The following TPGS2 variants were observed in gnomAD, a reference collection of about 807,000 sequenced individuals.
The protein encoded by TPGS2 is polyglutamylase subunit 2.
TPGS2 carries 26 observed loss-of-function variants against 31.1 expected under a neutral mutation model. The observed-to-expected ratio is 0.84, with a 90% CI of 0.61 to 1.16. TPGS2 has a LOEUF of 1.16. TPGS2 is among the 50% of genes most tolerant of loss of function. TPGS2 has a pLI of 0.00. For synonymous variants in TPGS2, 130 were observed against 136.6 expected, an observed-to-expected ratio of 0.95 and a Z score of 0.34; for missense variants, 351 against 363.8, an observed-to-expected ratio of 0.96 and a Z score of 0.29.
downstream of TPGS2, among the ~76,000 whole-genome samples, chr18:36,792,438 C>T (rs2044346146): frequency 1.3e-5 from 2 of 152,148 alleles, no homozygotes; most frequent in East Asian, 1.9e-4. Flanking sequence ...TAGAAAAATA[C>T]ACGCATTTAT....
At chr18:36,784,858 A>G (rs777071451) in intron 6 of TPGS2, among the ~76,000 whole-genome samples, 1 of 152,136 alleles carries the variant, frequency 6.6e-6, no homozygotes, top group Non-Finnish European at 1.5e-5. Flanking sequence ...TGCTAGTTGA[A>G]TATCAATAGT....
chr18:36,822,222 CG>C (rs1568032037), intron 1 of TPGS2, among the ~76,000 whole-genome samples: 2 of 152,146 alleles, frequency 1.3e-5, no homozygotes, highest in African/African-American at 4.8e-5. Flanking sequence ...ATAGGCTTTC[CG>C]GGGAAGAAAC....
intron 4 of TPGS2, among the ~76,000 whole-genome samples, chr18:36,803,493 C>T (rs1302555040): frequency 6.6e-6 from 1 of 152,076 alleles, no homozygotes; most frequent in African/African-American, 2.4e-5. Context: ...ATCTGTTCAA[C>T]TTGGGTCTAG....
chr18:36,781,194 C>T (rs2044003124), downstream of TPGS2, among the ~76,000 whole-genome samples: 1 of 152,148 alleles, frequency 6.6e-6, no homozygotes, highest in South Asian at 2.1e-4. Flanking sequence ...GGGTCTGAGA[C>T]CCAGATGGTG....
At chr18:36,780,308 C>CT (rs1188121352), downstream of TPGS2, 1 of 742,234 alleles carries the variant, frequency 1.3e-6, no homozygotes, top group African/African-American at 1.8e-5. Flanking sequence ...CATCTATCAC[C>CT]TTACCTGTGT....
chr18:36,811,743 T>C (rs2045439298), intron 2 of TPGS2, among the ~76,000 whole-genome samples: 1 of 152,212 alleles, frequency 6.6e-6, no homozygotes, highest in South Asian at 2.1e-4. Flanking sequence ...TTCTGACTTT[T>C]GCGTTTTATC....
Position 36,783,126 on chromosome 18 carries a change from AAG to A in TPGS2, c.661_662del (p.Leu221PhefsTer5), listed in dbSNP as rs1250860385. 2.5e-6 allele frequency: 1 copy of A among 398,274 alleles called. No individual in the cohort carries two copies. The highest frequency in any genetic ancestry group is 4.4e-6 in the Non-Finnish European group (1 of 225,940). 24.7% of individuals were successfully genotyped at this position (398,274 alleles called of 1,614,324 possible). A position where few individuals can be genotyped will look rare whatever the true frequency, so the allele number is the denominator to read the frequency against. ...GACTAGATCCATCAAAAAGGCCTAA[AAG>A]AGCCTATAAGAAAAATCAATTTGCG... On this transcript the variant is annotated frameshift_variant, in exon 7 of 7. Transcript: ENST00000587129. LOFTEE classifies it low-confidence loss of function (END_TRUNC).
intron 2 of TPGS2, among the ~76,000 whole-genome samples, chr18:36,810,299 T>C (rs1204164958): frequency 6.6e-6 from 1 of 152,202 alleles, no homozygotes; most frequent in East Asian, 1.9e-4. Context: ...TTCAGTCCTT[T>C]AAGGTTGGAG....
rs76391554 is a variant in TPGS2, at chr18:36,798,581, G to T, written c.525C>A (p.Phe175Leu). 105 of 1,614,162 alleles carry T rather than the reference G, an allele frequency of 6.5e-5. No homozygotes were observed. In the East Asian group the frequency reaches 2.3e-3, roughly 36 times the overall value. ...PALAEDTEIWFLDRALYWHFL... is the reference protein window; with the variant it reads ...PALAEDTEIWLLDRALYWHFL... ...AATGCCAGTATAACGCTCTGTCCAG[G>T]AACCAGATCTCAGTGTCTTCTGCTA... The change falls in exon 6 of 7, where the codon TTC becomes TTA. Residue 175 changes from phenylalanine to leucine, a missense_variant. Physicochemically the swap from Phe to Leu is conservative, Grantham distance 22 (BLOSUM62 0). Transcript: ENST00000334295.
At chr18:36,819,025 T>C (rs751022265) in intron 1 of TPGS2, 52 bp from the exon 2 acceptor site, 67 of 1,450,016 alleles carry the variant, frequency 4.6e-5, no homozygotes, top group Non-Finnish European at 6.4e-5. Context: ...CTGTCATACA[T>C]TTCTACGCTA....
downstream of TPGS2, chr18:36,794,083 A>G: frequency 5.0e-6 from 1 of 201,538 alleles, no homozygotes; most frequent in Non-Finnish European, 8.8e-6. Flanking sequence ...GCACAATATA[A>G]AGATGAATAG....
At chr18:36,784,334 C>T (rs1257312763) in intron 6 of TPGS2, among the ~76,000 whole-genome samples, 1 of 152,196 alleles carries the variant, frequency 6.6e-6, no homozygotes, top group East Asian at 1.9e-4. Context: ...TCCCTTAGGG[C>T]CCTTTCCTGG....
downstream of TPGS2, among the ~76,000 whole-genome samples, chr18:36,780,781 A>G (rs2043990988): frequency 1.3e-5 from 2 of 152,240 alleles, 1 homozygote; most frequent in South Asian, 4.1e-4. Context: ...TACAGTATCA[A>G]AGATAAAAGG....
intron 6 of TPGS2, among the ~76,000 whole-genome samples, chr18:36,785,416 T>C (rs2044105133): frequency 6.6e-6 from 1 of 152,198 alleles, no homozygotes; most frequent in South Asian, 2.1e-4. Flanking sequence ...TCCGTGTATG[T>C]AGGTTCAGCA....
At chr18:36,828,545 C>A (rs776932447) in intron 1 of TPGS2, 138 bp downstream of exon 1, 114 of 921,650 alleles carry the variant, frequency 1.2e-4, no homozygotes, top group Non-Finnish European at 1.6e-4. Context: ...CCACTTTCCT[C>A]TGTAACAACG....
downstream of TPGS2, among the ~76,000 whole-genome samples, chr18:36,790,399 C>T (rs967772537): frequency 6.6e-6 from 1 of 152,194 alleles, no homozygotes; most frequent in Non-Finnish European, 1.5e-5. Flanking sequence ...TGAAAGCATC[C>T]AGAGAGATGG....
intron 6 of TPGS2, among the ~76,000 whole-genome samples, chr18:36,786,296 C>T (rs1350202871): frequency 6.6e-6 from 1 of 152,348 alleles, no homozygotes; most frequent in East Asian, 1.9e-4. Flanking sequence ...TCTCGGTTCA[C>T]TGTAACCTCT....
intron 5 of TPGS2, among the ~76,000 whole-genome samples, chr18:36,798,990 G>A (rs2044672294): frequency 6.6e-6 from 1 of 152,146 alleles, no homozygotes; most frequent in Admixed American, 6.5e-5. Flanking sequence ...AACACTGAAT[G>A]GCTTAGGTTT....
rs372221467 is a variant in TPGS2, at chr18:36,796,817, G to A, written c.891C>T (p.Pro297=). ...TSKSSSGSGN[P]TRK ...GAGGGAGGGGTGCTCACTTCCGGGT[G>A]GGGTTTCCAGAGCCAGAGGAGGATT... is the stretch of plus-strand genomic sequence containing the variant. The change falls in exon 7 of 7, where the codon CCC becomes CCT. Residue 297 remains proline, a synonymous_variant. Coordinates refer to ENST00000334295, the MANE Select transcript of TPGS2 (RefSeq NM_015476.4). The A allele has an allele frequency of 6.3e-7, 1 of 1,595,398 alleles. No homozygotes were observed. Among genetic ancestry groups the A allele is most frequent in the Non-Finnish European group, 8.5e-7 (1 of 1,174,914 alleles).
Sources: allele counts gnomAD v4.1 joint callset (sites outside exome capture counted in the v4.1 genomes callset), GRCh38; gene constraint gnomAD v4.1.1; transcripts MANE v1.5; gene names NCBI Gene and HGNC (gene_info 2026-07-23, HGNC 2026-07-21).